The following PAPOLG variants were observed in gnomAD, a reference collection of about 807,000 sequenced individuals.
PAPOLG encodes poly(A) polymerase gamma, also known as PAP-gamma.
PAPOLG carries 40 observed loss-of-function variants against 99.0 expected under a neutral mutation model. That is an observed-to-expected ratio of 0.40 (90% CI 0.31 to 0.53). PAPOLG has a LOEUF of 0.53. PAPOLG is among the 20% of genes least tolerant of loss of function. PAPOLG has a pLI of 0.41. For synonymous variants in PAPOLG, 310 were observed against 299.3 expected (o/e 1.04, Z -0.37); for missense variants, 675 against 884.1 (o/e 0.76, Z 3.00).
At chr2:60,777,254 G>T (rs184701848) in intron 8 of PAPOLG, among the ~76,000 whole-genome samples, 1 of 152,046 alleles carries the variant, frequency 6.6e-6, no homozygotes, top group Admixed American at 6.6e-5. Flanking sequence ...AGGAGAGTTC[G>T]AGATCAGCCT....
chr2:60,794,743 C>G lies in PAPOLG; in HGVS notation c.2023C>G (p.Arg675Gly). ...ACTTGAATCAACATTTAAGGACCCC[C>G]GCACTGCTGAAGAAAGAAAAAGAAA... Reference protein sequence around the residue: ...IRLESTFKDPRTAEERKRKSV... With the variant: ...IRLESTFKDPGTAEERKRKSV... The change falls in exon 20 of 22, where the codon CGC (arginine) becomes GGC (glycine). Residue 675 changes from arginine (R) to glycine (G), a missense_variant. Coordinates refer to ENST00000238714, the MANE Select transcript of PAPOLG (RefSeq NM_022894.4). 3 of 1,611,052 alleles carry G rather than the reference C, an allele frequency of 1.9e-6. No homozygotes were observed. The highest frequency in any genetic ancestry group is 1.7e-6 in the Non-Finnish European group (2 of 1,177,468).
At chr2:60,776,287 A>G (rs1671016380) in intron 8 of PAPOLG, among the ~76,000 whole-genome samples, 2 of 152,118 alleles carry the variant, frequency 1.3e-5, no homozygotes, top group Non-Finnish European at 2.9e-5. Context: ...TAAAATACTC[A>G]GTAAACCATG....
In PAPOLG at chr2:60,775,799, C is replaced by G. The variant is rs371518048; in HGVS notation, c.694+676C>G. Among the ~76,000 whole-genome samples the G allele has an allele frequency of 1.9e-3, 291 of 149,922 alleles. 10 individuals carry two copies. The South Asian group carries it at 0.055, about 29-fold the overall frequency. ...TCTTTTTTTGAGACGGAGTCTTGCTCTGTCGCCAAGGCTGGAGTGCAGTGG... is the reference window on the plus strand; with the variant it reads ...TCTTTTTTTGAGACGGAGTCTTGCTGTGTCGCCAAGGCTGGAGTGCAGTGG... On this transcript the variant is annotated intron_variant, in intron 8 of 21. Coordinates refer to ENST00000238714, the MANE Select transcript of PAPOLG (RefSeq NM_022894.4).
At chr2:60,786,074 G>A (rs990936981) in intron 13 of PAPOLG, among the ~76,000 whole-genome samples, 2 of 151,960 alleles carry the variant, frequency 1.3e-5, no homozygotes, top group African/African-American at 2.4e-5. Flanking sequence ...AATATATTGG[G>A]CTGAAATTTT....
chr2:60,776,523 G>A (rs1488932476), intron 8 of PAPOLG, among the ~76,000 whole-genome samples: 1 of 149,912 alleles, frequency 6.7e-6, no homozygotes, highest in Non-Finnish European at 1.5e-5. Flanking sequence ...CGCCTCCTGG[G>A]TTCAAGTGAT....
intron 8 of PAPOLG, among the ~76,000 whole-genome samples, chr2:60,776,315 G>A (rs1671017024): frequency 6.6e-6 from 1 of 151,210 alleles, no homozygotes; most frequent in Non-Finnish European, 1.5e-5. Context: ...CAGCTGTGCT[G>A]TCATCTAGGC....
chr2:60,781,650 C>G (rs1573241189), intron 10 of PAPOLG, among the ~76,000 whole-genome samples: 1 of 152,146 alleles, frequency 6.6e-6, no homozygotes, highest in African/African-American at 2.4e-5. Flanking sequence ...AGATGCACAT[C>G]AATTTAACAG....
chr2:60,782,564 GAA>G (rs34284101), intron 11 of PAPOLG, 120 bp from the exon 12 acceptor site: 239 of 1,222,540 alleles, frequency 2.0e-4, no homozygotes, highest in Middle Eastern at 6.6e-4. Flanking sequence ...CTCAAAAAAA[GAA>G]AAAAAAAAAT....
At chr2:60,781,334 G>T (rs1671183624) in intron 10 of PAPOLG, among the ~76,000 whole-genome samples, 1 of 151,436 alleles carries the variant, frequency 6.6e-6, no homozygotes, top group African/African-American at 2.4e-5. Context: ...TCCAGCCTGG[G>T]TGACGAGTTG....
rs1161639010 is a variant in PAPOLG at position 60,775,083 on chromosome 2, T to C, written c.654T>C (p.Thr218=). The C allele has an allele frequency of 6.2e-7, 1 of 1,613,494 alleles. No individual in the cohort carries two copies. ...EILHLVPNKE[T]FRLTLRAVKL... ...TGCATTTAGTGCCAAATAAAGAAAC[T>C]TTTAGACTCACCCTAAGAGCTGTCA... is the stretch of plus-strand genomic sequence containing the variant. The change falls in exon 8 of 22, where the codon ACT becomes ACC. Residue 218 remains threonine (T), a synonymous_variant. Transcript: ENST00000238714.
chr2:60,797,112 C>T lies in PAPOLG; in HGVS notation c.2163C>T (p.Asn721=). The T allele has an allele frequency of 6.2e-7, 1 of 1,614,038 alleles. No individual in the cohort carries two copies. The highest frequency in any genetic ancestry group is 8.5e-7 in the Non-Finnish European group (1 of 1,179,902). Residue 721 remains asparagine (N), a synonymous_variant, in exon 22 of 22, where the codon AAC becomes AAT. Coordinates refer to ENST00000238714, the MANE Select transcript of PAPOLG (RefSeq NM_022894.4). Reference sequence around the variant, plus strand: ...ATTCATCATCTCCAGTTCCAGCAAACAACATCCGTGTCATCAAAAATTCCA... The same window carrying T: ...ATTCATCATCTCCAGTTCCAGCAAATAACATCCGTGTCATCAAAAATTCCA... The part of the protein sequence containing the change: ...LPDSSSPVPA[N]NIRVIKNSIR...
chr2:60,768,961 A>G (rs1670766649), intron 5 of PAPOLG, 71 bp downstream of exon 5: 2 of 1,135,790 alleles, frequency 1.8e-6, no homozygotes, highest in Non-Finnish European at 2.5e-6. Context: ...CTAGGGCTTA[A>G]AACTATTGAA....
intron 13 of PAPOLG, among the ~76,000 whole-genome samples, chr2:60,783,796 C>A (rs143325709): frequency 6.6e-6 from 1 of 151,934 alleles, no homozygotes; most frequent in East Asian, 1.9e-4. Flanking sequence ...TTGTGCATGA[C>A]CATGGAGCTT....
rs1345593345 is a variant in PAPOLG at position 60,760,285 on chromosome 2, T to A, written c.169T>A (p.Leu57Met). 1.9e-6 allele frequency: 3 copies of A among 1,612,212 alleles called. No homozygotes were observed. In the African/African-American group the frequency reaches 4.0e-5, roughly 22 times the overall value. The change falls in exon 2 of 22, where the codon TTG becomes ATG. Residue 57 changes from leucine to methionine, a missense_variant. Transcript: ENST00000238714. Reference sequence around the variant, plus strand: ...TGGAGTGTTTGAAGATGAGGAAGAATTGAACCACAGGTATGTCATTGAAAA... The same window carrying A: ...TGGAGTGTTTGAAGATGAGGAAGAAATGAACCACAGGTATGTCATTGAAAA... ...PFGVFEDEEELNHRLVVLGKL... is the reference protein window; with the variant it reads ...PFGVFEDEEEMNHRLVVLGKL...
rs1050762089 is a variant in PAPOLG at position 60,793,611 on chromosome 2, T to G, written c.1680-16T>G. ...ATTTAAATCATTTATTGATGATAATTTAACACTTTCATTAGGAATAGTGCT... is the reference window on the plus strand; with the variant it reads ...ATTTAAATCATTTATTGATGATAATGTAACACTTTCATTAGGAATAGTGCT... On this transcript the variant is annotated splice_polypyrimidine_tract_variant and intron_variant, in intron 17 of 21. Coordinates refer to ENST00000238714, the MANE Select transcript of PAPOLG (RefSeq NM_022894.4). 6.2e-7 allele frequency: 1 copy of G among 1,612,046 alleles called. No individual in the cohort carries two copies. Among genetic ancestry groups the G allele is most frequent in the Non-Finnish European group, 8.5e-7 (1 of 1,179,100 alleles).
intron 8 of PAPOLG, 127 bp from the exon 9 acceptor site, chr2:60,779,510 C>T (rs1671127648): frequency 8.3e-6 from 9 of 1,088,706 alleles, no homozygotes; most frequent in African/African-American, 1.6e-5. Context: ...TCCAACCAAC[C>T]GTCTTATGAA....
chr2:60,763,042 C>T lies in PAPOLG; in HGVS notation c.246+1235C>T, dbSNP rs570769046. Among the ~76,000 whole-genome samples the T allele has an allele frequency of 4.6e-5, 7 of 151,704 alleles. No individual in the cohort carries two copies. In the East Asian group the frequency reaches 1.4e-3, roughly 29 times the overall value. On this transcript the variant is annotated intron_variant, in intron 3 of 21. Coordinates refer to ENST00000238714, the MANE Select transcript of PAPOLG (RefSeq NM_022894.4). ...TCAGCCTCCCCAAGTGCTGGGATTA[C>T]AGGCTTGAGCCACCACGCCCAACCA...
At chr2:60,790,183 TAAAC>T (rs1304535085) in intron 15 of PAPOLG, among the ~76,000 whole-genome samples, 12 of 152,314 alleles carry the variant, frequency 7.9e-5, no homozygotes, top group East Asian at 7.7e-4. Flanking sequence ...ATCTGCAACT[TAAAC>T]AAGCACTCCT....
chr2:60,766,867 TGTC>T (rs1385832457), intron 3 of PAPOLG, among the ~76,000 whole-genome samples: 1 of 152,132 alleles, frequency 6.6e-6, no homozygotes. Context: ...CCTAGGAACA[TGTC>T]GTGGAGATTT....
Sources: gnomAD v4.1 joint callset for allele counts (sites outside exome capture counted in the v4.1 genomes callset) on GRCh38, gnomAD v4.1.1 for gene constraint, MANE v1.5 for transcripts, NCBI Gene and HGNC (gene_info 2026-07-23, HGNC 2026-07-21) for gene names.